TMC5: variants seen among roughly 807,000 people sequenced by gnomAD.
The protein encoded by TMC5 is transmembrane channel like 5, also known as transmembrane channel-like protein 5.
In TMC5, 86 loss-of-function variants were observed where a neutral mutation model predicts 110.5. That is an observed-to-expected ratio of 0.78 (90% CI 0.65 to 0.93). TMC5 has a LOEUF of 0.93. Among genes scored for constraint, TMC5 ranks in the 40% least tolerant of loss-of-function variants. The probability of loss-of-function intolerance (pLI) is 0.00; values close to 1 mark genes in which losing one functional copy is unlikely to be tolerated. For synonymous variants in TMC5, 455 were observed against 439.5 expected (o/e 1.04, Z -0.44); for missense variants, 1,144 against 1,222.8 (o/e 0.94, Z 0.96).
intron 4 of TMC5, among the ~76,000 whole-genome samples, chr16:19,448,855 AT>A (rs1251813434): frequency 3.6e-5 from 5 of 140,808 alleles, no homozygotes; most frequent in Non-Finnish European, 6.1e-5. Flanking sequence ...GTTTATATGT[AT>A]TTTTTTCTTT....
chr16:19,456,218 T>A (rs1303526631), intron 5 of TMC5, among the ~76,000 whole-genome samples: 2 of 147,140 alleles, frequency 1.4e-5, no homozygotes, highest in Non-Finnish European at 3.0e-5. Context: ...AAAAAAAAAA[T>A]ATATATATAC....
chr16:19,436,282 AAAG>A (rs1226306586), intron 2 of TMC5, among the ~76,000 whole-genome samples: 2 of 151,186 alleles, frequency 1.3e-5, no homozygotes, highest in African/African-American at 4.9e-5. Flanking sequence ...AGAAAAAAAA[AAAG>A]AAAGGAAAAA....
intron 10 of TMC5, among the ~76,000 whole-genome samples, 193 bp downstream of exon 10, chr16:19,470,018 C>A (rs1039872374): frequency 9.9e-5 from 15 of 151,698 alleles, no homozygotes; most frequent in Non-Finnish European, 1.9e-4. Flanking sequence ...CCTCAGCCTC[C>A]CGAGTAGCTG....
At chr16:19,419,466 G>A (rs1335486960) in intron 1 of TMC5, among the ~76,000 whole-genome samples, 1 of 132,074 alleles carries the variant, frequency 7.6e-6, no homozygotes, top group Non-Finnish European at 1.5e-5. Flanking sequence ...AGGCTGGAGT[G>A]CAGTGGTGCG....
intron 1 of TMC5, among the ~76,000 whole-genome samples, chr16:19,423,537 T>C (rs113062204): frequency 9.2e-5 from 14 of 152,218 alleles, no homozygotes; most frequent in African/African-American, 3.1e-4. Flanking sequence ...CTAAAAATTA[T>C]TTTTTACATA....
intron 5 of TMC5, chr16:19,457,027 G>A: frequency 6.3e-7 from 1 of 1,590,214 alleles, no homozygotes; most frequent in South Asian, 1.1e-5. Context: ...GTAGTGAAAT[G>A]CTGGGGAAGA....
chr16:19,454,193 C>G (rs1045759520), intron 5 of TMC5, among the ~76,000 whole-genome samples: 1 of 152,122 alleles, frequency 6.6e-6, no homozygotes, highest in Admixed American at 6.6e-5. Context: ...GATTACAGGC[C>G]CCTGCCACCA....
chr16:19,485,970 G>T (rs940932227), intron 15 of TMC5, among the ~76,000 whole-genome samples: 2 of 152,218 alleles, frequency 1.3e-5, no homozygotes, highest in African/African-American at 4.8e-5. Context: ...AAGGCATGTG[G>T]GACATGCTAG....
At chr16:19,470,423 G>A (rs1340949003) in intron 10 of TMC5, among the ~76,000 whole-genome samples, 1 of 152,088 alleles carries the variant, frequency 6.6e-6, no homozygotes, top group Non-Finnish European at 1.5e-5. Context: ...CTAGCCTCAA[G>A]TGATCCACCC....
At chr16:19,497,341 TCA>T (rs553657085) in intron 21 of TMC5, among the ~76,000 whole-genome samples, 178 bp downstream of exon 21, 136 of 152,338 alleles carry the variant, frequency 8.9e-4, no homozygotes, top group African/African-American at 2.9e-3. Flanking sequence ...ACGCAGGAAC[TCA>T]CAGTGTCACC....
At chr16:19,446,939 C>A (rs188277712) in intron 4 of TMC5, among the ~76,000 whole-genome samples, 1 of 152,056 alleles carries the variant, frequency 6.6e-6, no homozygotes, top group Admixed American at 6.6e-5. Context: ...CATCTATGTA[C>A]CCTCCAAGGC....
chr16:19,479,136 G>A (rs3743957), intron 13 of TMC5, among the ~76,000 whole-genome samples: 13,033 of 152,228 alleles, frequency 0.086, 848 homozygotes, highest in African/African-American at 0.17. Flanking sequence ...GGATCCAGAG[G>A]GGATAGGGCA....
chr16:19,475,411 G>C (rs1968462570), intron 12 of TMC5, among the ~76,000 whole-genome samples: 1 of 150,860 alleles, frequency 6.6e-6, no homozygotes, highest in Admixed American at 6.6e-5. Flanking sequence ...GACAGAGAGA[G>C]ACTCCATCTC....
intron 6 of TMC5, chr16:19,462,647 C>A: frequency 4.8e-6 from 3 of 628,812 alleles, no homozygotes; most frequent in South Asian, 3.6e-5. Flanking sequence ...TGCCTGTAAT[C>A]CCAGCACTTT....
Position 19,474,227 on chromosome 16 carries a change from G to A in TMC5, c.2041G>A (p.Val681Met), listed in dbSNP as rs1412005096. 6.2e-7 allele frequency: 1 copy of A among 1,614,034 alleles called. No individual in the cohort carries two copies. Among genetic ancestry groups the A allele is most frequent in the Non-Finnish European group, 8.5e-7 (1 of 1,180,046 alleles). Residue 681 changes from valine to methionine, a missense_variant, in exon 12 of 22, where the codon GTG becomes ATG. Val to Met is a conservative substitution (Grantham distance 21). Transcript: ENST00000542583. ...VPCIYSMFRL[V>M]ERYEMPRHEV... The stretch of plus-strand genomic sequence containing the variant: ...ATGCATCTACTCCATGTTCAGGCTT[G>A]TGGAGAGGTACGAGATGCCACGGCA...
intron 6 of TMC5, among the ~76,000 whole-genome samples, chr16:19,462,057 C>T (rs1225161485): frequency 3.9e-5 from 6 of 152,120 alleles, no homozygotes; most frequent in Non-Finnish European, 4.4e-5. Context: ...TAGGAAAGAA[C>T]CAGAACAAAG....
chr16:19,490,984 C>CT (rs1555486696), intron 18 of TMC5, among the ~76,000 whole-genome samples: 1 of 73,466 alleles, frequency 1.4e-5, no homozygotes, highest in Non-Finnish European at 2.8e-5. Flanking sequence ...CCTTCCCCTT[C>CT]TCCTTCCTTC....
chr16:19,471,327 G>A (rs1342819688), intron 10 of TMC5, among the ~76,000 whole-genome samples: 1 of 152,044 alleles, frequency 6.6e-6, no homozygotes, highest in African/African-American at 2.4e-5. Flanking sequence ...CTGGGCTCAA[G>A]TGATCCTCCC....
chr16:19,486,452 C>T (rs1171507413), intron 15 of TMC5, among the ~76,000 whole-genome samples: 5 of 152,178 alleles, frequency 3.3e-5, no homozygotes, highest in Non-Finnish European at 5.9e-5. Context: ...TCTCGGCTCA[C>T]TGCAACCTCC....
Sources: allele counts gnomAD v4.1 joint callset (sites outside exome capture counted in the v4.1 genomes callset), GRCh38; gene constraint gnomAD v4.1.1; transcripts MANE v1.5; gene names NCBI Gene and HGNC (gene_info 2026-07-23, HGNC 2026-07-21).